ECE1: variants seen among roughly 807,000 people sequenced by gnomAD.
ECE1 encodes endothelin converting enzyme 1, also known as endothelin-converting enzyme 1.
A neutral mutation model predicts 98.6 loss-of-function variants in ECE1; 35 were observed. The ratio of observed to expected loss-of-function variants is 0.35; its 90% CI spans 0.27 to 0.47. The LOEUF is 0.47. Among genes scored for constraint, ECE1 ranks in the 20% least tolerant of loss-of-function variants. The pLI is 1.00. For synonymous variants in ECE1, 394 were observed against 407.1 expected (o/e 0.97, Z 0.39); for missense variants, 814 against 1,025.3 (o/e 0.79, Z 2.81).
chr1:21,227,148 G>A lies in ECE1; in HGVS notation c.1849+11C>T. On this transcript the variant is annotated intron_variant, in intron 16 of 18. Coordinates refer to ENST00000374893, the MANE Select transcript of ECE1 (RefSeq NM_001397.3). ...CAGGCATGAGCCATCGTGCCCAGCT[G>A]GAATTCGTACCTTGATCATCAAAAG... 6.2e-7 allele frequency: 1 copy of A among 1,613,826 alleles called. No individual in the cohort carries two copies. Among genetic ancestry groups the A allele is most frequent in the Non-Finnish European group, 8.5e-7 (1 of 1,179,886 alleles).
At chr1:21,313,351 T>C (rs1002582230) in intron 1 of ECE1, among the ~76,000 whole-genome samples, 1 of 152,166 alleles carries the variant, frequency 6.6e-6, no homozygotes, top group Non-Finnish European at 1.5e-5. Context: ...ACATGTGTCA[T>C]GCTTGCCTGG....
At chr1:21,236,310 C>T (rs1027298197) in intron 12 of ECE1, among the ~76,000 whole-genome samples, 2 of 152,248 alleles carry the variant, frequency 1.3e-5, no homozygotes, top group Admixed American at 6.5e-5. Context: ...AGGCCTAGAC[C>T]GCTCACCCGC....
chr1:21,342,439 G>A (rs979197897), intron 1 of ECE1, among the ~76,000 whole-genome samples: 8 of 152,106 alleles, frequency 5.3e-5, no homozygotes, highest in African/African-American at 1.2e-4. Context: ...CTCGGCCCAC[G>A]GCTTGCACTG....
chr1:21,282,123 A>T (rs960191932), intron 2 of ECE1, among the ~76,000 whole-genome samples: 1 of 151,722 alleles, frequency 6.6e-6, no homozygotes, highest in Non-Finnish European at 1.5e-5. Flanking sequence ...CCCATCTCTT[A>T]AAAAAAATTA....
chr1:21,273,294 C>T (rs1233847983), intron 3 of ECE1, among the ~76,000 whole-genome samples: 2 of 151,282 alleles, frequency 1.3e-5, no homozygotes, highest in African/African-American at 4.9e-5. Flanking sequence ...GTATGGAGTG[C>T]GTGTGTGTGC....
intron 13 of ECE1, among the ~76,000 whole-genome samples, chr1:21,234,080 T>C (rs184074651): frequency 1.3e-5 from 2 of 152,144 alleles, no homozygotes; most frequent in East Asian, 1.9e-4. Context: ...CTCCACCTCC[T>C]GGTTTAAGTG....
intron 11 of ECE1, 45 bp downstream of exon 11, chr1:21,238,086 CACA>C (rs759753355): frequency 2.6e-5 from 40 of 1,567,716 alleles, no homozygotes; most frequent in Non-Finnish European, 3.4e-5. Flanking sequence ...CTGTGCAGGC[CACA>C]ACAAGTGTGA....
At position 21,327,386 on chromosome 1, in the gene ECE1, A is replaced by G. The variant is rs2103408728; in HGVS notation, c.3+17990T>C. On this transcript the variant is annotated intron_variant, in intron 1 of 18. Coordinates refer to the ECE1 transcript ENST00000415912. The surrounding 1 kb of genome is among the most constrained non-coding windows in gnomAD (Gnocchi z 4.6). ...ATCCCCTGCCCCACTCCAATCAATC[A>G]CCAGGCCCTGCCCACTCTACTCAGT... 6.6e-6 allele frequency among the ~76,000 whole-genome samples: 1 copy of G among 151,992 alleles called. No homozygotes were observed. The highest frequency in any genetic ancestry group is 2.1e-4 in the South Asian group (1 of 4,808).
chr1:21,253,718 G>A (rs1411135334), intron 8 of ECE1, among the ~76,000 whole-genome samples: 1 of 146,262 alleles, frequency 6.8e-6, no homozygotes, highest in Non-Finnish European at 1.5e-5. Context: ...AGCCGAGATG[G>A]CGCCACTGCA....
In ECE1 at chr1:21,220,657, C is replaced by T. The variant is rs953241727; in HGVS notation, c.2137-526G>A. Among the ~76,000 whole-genome samples, 2 of 151,926 alleles carry T rather than the reference C, an allele frequency of 1.3e-5. No homozygotes were observed. Among genetic ancestry groups the T allele is most frequent in the African/African-American group, 4.8e-5 (2 of 41,364 alleles). On this transcript the variant is annotated intron_variant, in intron 18 of 18. Coordinates refer to ENST00000374893, the MANE Select transcript of ECE1 (RefSeq NM_001397.3). The surrounding 1 kb of genome is among the most constrained non-coding windows in gnomAD (Gnocchi z 5.0). Reference sequence around the variant, plus strand: ...ACTAAAAATACAAAAATTAGATGGGCGTGGTGGTGCGTGCCTATATCCCAG... The same window carrying T: ...ACTAAAAATACAAAAATTAGATGGGTGTGGTGGTGCGTGCCTATATCCCAG...
chr1:21,263,347 C>A (rs1558397291), intron 4 of ECE1, among the ~76,000 whole-genome samples: 1 of 145,036 alleles, frequency 6.9e-6, no homozygotes, highest in East Asian at 2.1e-4. Flanking sequence ...CTAAGGTTTC[C>A]TTTTTTTATA....
At chr1:21,317,588 C>A (rs111258400) in intron 1 of ECE1, among the ~76,000 whole-genome samples, 8,744 of 152,310 alleles carry the variant, frequency 0.057, 857 homozygotes, top group African/African-American at 0.2. Context: ...TACTGCTCCC[C>A]ACCCGCTTCT....
intron 2 of ECE1, among the ~76,000 whole-genome samples, chr1:21,288,362 C>T (rs770260161): frequency 4.6e-5 from 7 of 152,196 alleles, no homozygotes; most frequent in South Asian, 4.1e-4. Context: ...GTATGACATC[C>T]ACTTTCTCTA....
chr1:21,301,947 T>C (rs1283716207), intron 1 of ECE1, among the ~76,000 whole-genome samples: 1 of 150,490 alleles, frequency 6.6e-6, no homozygotes, highest in East Asian at 1.9e-4. Context: ...ATTTGACAGA[T>C]GAGGAGACTG....
At chr1:21,289,046 C>A (rs1304060970) in intron 2 of ECE1, among the ~76,000 whole-genome samples, 1 of 152,182 alleles carries the variant, frequency 6.6e-6, no homozygotes, top group African/African-American at 2.4e-5. Context: ...ATTATTCCCG[C>A]TTCTAAGAGG....
intron 4 of ECE1, among the ~76,000 whole-genome samples, chr1:21,261,590 C>T (rs1467159156): frequency 1.3e-5 from 2 of 152,198 alleles, no homozygotes; most frequent in South Asian, 2.1e-4. Context: ...CCTGTGTCCA[C>T]CATTAGACCG....
At chr1:21,285,409 T>C (rs537720154) in intron 2 of ECE1, among the ~76,000 whole-genome samples, 244 of 152,244 alleles carry the variant, frequency 1.6e-3, no homozygotes, top group Middle Eastern at 3.4e-3. Flanking sequence ...GTCCCAGGTG[T>C]GACTTCTCAG....
rs28368042 is a variant in ECE1, at chr1:21,224,620, G to C, written c.2040+630C>G. Among the ~76,000 whole-genome samples, 1,447 of 152,152 alleles carry C rather than the reference G, an allele frequency of 9.5e-3. 28 individuals are homozygous for C. Among genetic ancestry groups the C allele is most frequent in the African/African-American group, 0.033 (1,379 of 41,426 alleles). ...TTTCTGCTCTTACTGCCGTGGTTGG[G>C]AGGAAGCCCTGTCTTAATCTCTCTG... On this transcript the variant is annotated intron_variant, in intron 17 of 18. Coordinates refer to ENST00000374893, the MANE Select transcript of ECE1 (RefSeq NM_001397.3).
At chr1:21,259,662 G>T (rs1448145834) in intron 5 of ECE1, among the ~76,000 whole-genome samples, 4 of 152,170 alleles carry the variant, frequency 2.6e-5, no homozygotes, top group African/African-American at 9.7e-5. Context: ...CTGGAGCCAA[G>T]CTAAGAGGCA....
Sources: gnomAD v4.1 joint callset for allele counts (sites outside exome capture counted in the v4.1 genomes callset) on GRCh38, gnomAD v4.1.1 for gene constraint, Gnocchi (gnomAD v3.1) non-coding constraint, MANE v1.5 for transcripts, NCBI Gene and HGNC (gene_info 2026-07-23, HGNC 2026-07-21) for gene names.